The following SLC38A9 variants were observed in gnomAD, a reference collection of about 807,000 sequenced individuals.
The protein encoded by SLC38A9 is solute carrier family 38 member 9, also known as neutral amino acid transporter 9.
In SLC38A9, 48 loss-of-function variants were observed where a neutral mutation model predicts 62.3. The ratio of observed to expected loss-of-function variants is 0.77; its 90% CI spans 0.61 to 0.98. SLC38A9 has a LOEUF of 0.98. Ranked by LOEUF, SLC38A9 falls within the 50% of genes least tolerant of loss-of-function variation. The pLI is 0.00. For synonymous variants in SLC38A9, 204 were observed against 227.7 expected (o/e 0.90, Z 0.94); for missense variants, 541 against 679.8 (o/e 0.80, Z 2.27).
intron 3 of SLC38A9, among the ~76,000 whole-genome samples, chr5:55,683,890 A>G (rs1753389833): frequency 6.6e-6 from 1 of 152,158 alleles, no homozygotes; most frequent in East Asian, 1.9e-4. Flanking sequence ...ATACATTTTT[A>G]CTGATTATAA....
intron 3 of SLC38A9, among the ~76,000 whole-genome samples, chr5:55,685,069 T>C (rs1228163959): frequency 6.6e-6 from 1 of 152,230 alleles, no homozygotes; most frequent in Non-Finnish European, 1.5e-5. Context: ...CTCGGTATTC[T>C]ACATTGTCTT....
intron 12 of SLC38A9, among the ~76,000 whole-genome samples, chr5:55,640,448 C>T (rs1013163927): frequency 7.2e-5 from 11 of 152,134 alleles, no homozygotes; most frequent in South Asian, 2.1e-4. Flanking sequence ...ATATGAAATA[C>T]GGATTTCAAG....
At chr5:55,687,065 G>GTTTTTTTTTTTTTT (rs56912932) in intron 3 of SLC38A9, among the ~76,000 whole-genome samples, 3 of 125,706 alleles carry the variant, frequency 2.4e-5, no homozygotes, top group African/African-American at 3.2e-5. Context: ...CTCCAGCTTT[G>GTTTTTTTTTTTTTT]TTTTTTTTTT....
At chr5:55,689,826 A>G (rs1316721880) in intron 3 of SLC38A9, among the ~76,000 whole-genome samples, 1 of 152,212 alleles carries the variant, frequency 6.6e-6, no homozygotes, top group Admixed American at 6.5e-5. Flanking sequence ...TTTTTGGCTT[A>G]TGATGGGTTT....
chr5:55,665,569 CA>C (rs1750332305), intron 7 of SLC38A9, among the ~76,000 whole-genome samples: 1 of 147,084 alleles, frequency 6.8e-6, no homozygotes, highest in South Asian at 2.2e-4. Context: ...AGAAAAAAAA[CA>C]AAAGAAAGAA....
At chr5:55,657,081 T>C (rs1221510840) in intron 8 of SLC38A9, among the ~76,000 whole-genome samples, 1 of 152,164 alleles carries the variant, frequency 6.6e-6, no homozygotes, top group Non-Finnish European at 1.5e-5. Flanking sequence ...CAGGATGGTC[T>C]CGATCTCCTG....
At chr5:55,662,786 A>T (rs1044447829) in intron 8 of SLC38A9, among the ~76,000 whole-genome samples, 2 of 152,020 alleles carry the variant, frequency 1.3e-5, no homozygotes, top group African/African-American at 4.8e-5. Context: ...AAATTCAGAG[A>T]AGGAAAATGA....
chr5:55,686,906 G>A (rs1753902779), intron 3 of SLC38A9, among the ~76,000 whole-genome samples: 1 of 152,034 alleles, frequency 6.6e-6, no homozygotes, highest in Non-Finnish European at 1.5e-5. Context: ...TGTCAGGTTT[G>A]TTGAAGATCA....
intron 14 of SLC38A9, among the ~76,000 whole-genome samples, chr5:55,629,240 C>A (rs1330270003): frequency 6.6e-6 from 1 of 152,036 alleles, no homozygotes; most frequent in Non-Finnish European, 1.5e-5. Flanking sequence ...GAGACAGGGT[C>A]TTGCTCTGTC....
chr5:55,682,079 G>T (rs941216695), intron 3 of SLC38A9, among the ~76,000 whole-genome samples: 1 of 151,884 alleles, frequency 6.6e-6, no homozygotes, highest in East Asian at 1.9e-4. Flanking sequence ...CCTCCTTGAC[G>T]GGCAAAGGAG....
intron 7 of SLC38A9, among the ~76,000 whole-genome samples, chr5:55,667,937 G>C (rs763427915): frequency 6.6e-6 from 1 of 152,188 alleles, no homozygotes; most frequent in Non-Finnish European, 1.5e-5. Context: ...TTGGGAGGCA[G>C]AGGTGAGCAG....
chr5:55,652,733 G>A lies in SLC38A9; in HGVS notation c.758-10C>T. On this transcript the variant is annotated splice_polypyrimidine_tract_variant and intron_variant, in intron 9 of 15. Coordinates refer to ENST00000396865, the MANE Select transcript of SLC38A9 (RefSeq NM_173514.4). Reference sequence around the variant, plus strand: ...GCACTTGGACAAATCACTGCAATAGGAAAGCACCAGATTAAAGAAGATGAC... The same window carrying A: ...GCACTTGGACAAATCACTGCAATAGAAAAGCACCAGATTAAAGAAGATGAC... 1 of 1,594,716 alleles carries A rather than the reference G, an allele frequency of 6.3e-7. No individual in the cohort carries two copies. The highest frequency in any genetic ancestry group is 8.5e-7 in the Non-Finnish European group (1 of 1,171,522).
chr5:55,636,126 C>T (rs1561307112), intron 12 of SLC38A9, among the ~76,000 whole-genome samples: 1 of 151,994 alleles, frequency 6.6e-6, no homozygotes, highest in Non-Finnish European at 1.5e-5. Context: ...CACAGCAGAG[C>T]AGAACATACT....
At chr5:55,637,964 A>C (rs954904135) in intron 12 of SLC38A9, among the ~76,000 whole-genome samples, 5 of 149,198 alleles carry the variant, frequency 3.4e-5, no homozygotes, top group African/African-American at 1.3e-4. Flanking sequence ...ATTGTGTCAT[A>C]GTTAATAAAC....
At chr5:55,684,238 C>T (rs1302285972) in intron 3 of SLC38A9, among the ~76,000 whole-genome samples, 1 of 152,138 alleles carries the variant, frequency 6.6e-6, no homozygotes, top group Non-Finnish European at 1.5e-5. Context: ...AAGTCTCTTT[C>T]TATTGTGTAT....
chr5:55,652,032 T>TA (rs60466031), intron 10 of SLC38A9, among the ~76,000 whole-genome samples: 86,887 of 145,776 alleles, frequency 0.6, 26,328 homozygotes, highest in South Asian at 0.7. Flanking sequence ...CCAAACTCCA[T>TA]AAAAAAAAAT....
At chr5:55,707,515 G>T (rs921500816) in intron 2 of SLC38A9, among the ~76,000 whole-genome samples, 1 of 152,072 alleles carries the variant, frequency 6.6e-6, no homozygotes, top group Non-Finnish European at 1.5e-5. Flanking sequence ...CCAGCTACCC[G>T]GGAGGCTGAG....
At chr5:55,672,154 T>A (rs2150357681) in intron 4 of SLC38A9, among the ~76,000 whole-genome samples, 1 of 152,298 alleles carries the variant, frequency 6.6e-6, no homozygotes, top group South Asian at 2.1e-4. Flanking sequence ...GCTTGGCCAG[T>A]TTCCCATTCT....
Position 55,626,658 on chromosome 5 carries a change from A to G in SLC38A9, c.1522T>C (p.Tyr508His), listed in dbSNP as rs199720312. 1 of 1,591,916 alleles carries G rather than the reference A, an allele frequency of 6.3e-7. No homozygotes were observed. The highest frequency in any genetic ancestry group is 2.2e-5 in the East Asian group (1 of 44,760). ...GCCAGTCCACATGCTGCTCCTGAAT[A>G]TCTGCAAAATAAAAGCTTTTGGGGT... ...FYPNIGGIIR[Y>H]SGAACGLAFV... Residue 508 changes from tyrosine to histidine, a missense_variant and splice_region_variant, in exon 16 of 16, where the codon TAT becomes CAT. Physicochemically the swap from Tyr to His is moderately conservative, Grantham distance 83. Transcript: ENST00000396865.
Sources: gnomAD v4.1 joint callset for allele counts (sites outside exome capture counted in the v4.1 genomes callset) on GRCh38, gnomAD v4.1.1 for gene constraint, MANE v1.5 for transcripts, NCBI Gene and HGNC (gene_info 2026-07-23, HGNC 2026-07-21) for gene names.